Variants in MYO16 observed in about 807,000 individuals in gnomAD.
The protein encoded by MYO16 is myosin XVI.
In MYO16, 94 loss-of-function variants were observed where a neutral mutation model predicts 205.3. The observed-to-expected ratio is 0.46, with a 90% CI of 0.39 to 0.54. MYO16 has a LOEUF of 0.54. Among genes scored for constraint, MYO16 ranks in the 20% least tolerant of loss-of-function variants. The pLI is 0.00. For missense variants in MYO16, 2,315 were observed against 2,387.5 expected (o/e 0.97, Z 0.63); for synonymous variants, 988 against 954.0 (o/e 1.04, Z -0.66).
In MYO16 at chr13:109,007,539, CGTGTGTGTGTGTGTGTGTGTGT is replaced by C. The variant is rs71125360; in HGVS notation, c.2443-1331_2443-1310del. Among the ~76,000 whole-genome samples, 6 of 133,708 alleles carry C rather than the reference CGTGTGTGTGTGTGTGTGTGTGT, an allele frequency of 4.5e-5. No homozygotes were observed. In the South Asian group the frequency reaches 7.9e-4, roughly 18 times the overall value. The allele number at this position is 133,708 out of a possible 152,430, so 87.7% of individuals were successfully genotyped here. On this transcript the variant is annotated intron_variant, in intron 21 of 34. Coordinates refer to ENST00000457511, the MANE Select transcript of MYO16 (RefSeq NM_001198950.3). ...TTTGAGATAATAAGTAGAAATCAGC[CGTGTGTGTGTGTGTGTGTGTGT>C]GTGTGTGTGTGTGTGTGTGTGTGTG... is the stretch of plus-strand genomic sequence containing the variant.
At chr13:108,876,463 T>C (rs1467750633) in intron 12 of MYO16, among the ~76,000 whole-genome samples, 1 of 152,180 alleles carries the variant, frequency 6.6e-6, no homozygotes, top group African/African-American at 2.4e-5. Context: ...GATGACATAT[T>C]GTTCTATAAA....
At chr13:108,524,950 G>A in the MYO16 span, among the ~76,000 whole-genome samples, 404 of 152,178 alleles carry the variant, frequency 2.7e-3, 3 homozygotes, top group African/African-American at 9.1e-3. Context: ...TATTGTTTCT[G>A]ATTTCAAGTT....
intron 10 of MYO16, among the ~76,000 whole-genome samples, chr13:108,852,531 T>G (rs757178554): frequency 3.9e-5 from 6 of 152,174 alleles, no homozygotes; most frequent in Non-Finnish European, 8.8e-5. Context: ...TAAAAAAATG[T>G]TATTCAGCAG....
At chr13:108,966,092 G>C (rs1018721250) in intron 20 of MYO16, among the ~76,000 whole-genome samples, 1 of 152,092 alleles carries the variant, frequency 6.6e-6, no homozygotes, top group African/African-American at 2.4e-5. Flanking sequence ...AAATCCCACT[G>C]AACATTGATC....
At chr13:108,780,892 C>T (rs1886279956) in intron 4 of MYO16, among the ~76,000 whole-genome samples, 1 of 152,176 alleles carries the variant, frequency 6.6e-6, no homozygotes. Flanking sequence ...AACTTAGCAG[C>T]ACAGAAGAAT....
intron 2 of MYO16, among the ~76,000 whole-genome samples, chr13:108,699,542 G>T (rs1028630302): frequency 3.3e-5 from 5 of 152,066 alleles, no homozygotes; most frequent in African/African-American, 1.2e-4. Flanking sequence ...CATGCATCCT[G>T]GATTTACTAC....
At position 109,141,345 on chromosome 13, in the gene MYO16, C is replaced by A; in HGVS notation, c.5133C>A (p.Ser1711=). ...CGGGGAGGAGTGTGCTTCGGAAATCCGCGGCGGGAAGAAAAATCAGGGAAG... is the reference window on the plus strand; with the variant it reads ...CGGGGAGGAGTGTGCTTCGGAAATCAGCGGCGGGAAGAAAAATCAGGGAAG... ...FNSGRSVLRK[S]AAGRKIREAE... Residue 1711 remains serine, a synonymous_variant, in exon 32 of 35, where the codon TCC becomes TCA. Transcript: ENST00000457511. The surrounding 1 kb of genome is among the most constrained non-coding windows in gnomAD (Gnocchi z 4.1). 6.5e-7 allele frequency: 1 copy of A among 1,550,308 alleles called. No homozygotes were observed. Among genetic ancestry groups the A allele is most frequent in the South Asian group, 1.2e-5 (1 of 83,334 alleles).
At chr13:109,197,786 A>G (rs1041814469) in intron 34 of MYO16, among the ~76,000 whole-genome samples, 13 of 152,352 alleles carry the variant, frequency 8.5e-5, no homozygotes, top group Middle Eastern at 6.8e-3. Flanking sequence ...TTTCAGCTAT[A>G]AAACCAAGGC....
chr13:108,554,283 T>C, the MYO16 span, among the ~76,000 whole-genome samples: 2 of 152,214 alleles, frequency 1.3e-5, no homozygotes, highest in Non-Finnish European at 2.9e-5. Context: ...GGTCTTTTTC[T>C]TGTGCTTTTA....
At chr13:108,757,593 A>T (rs1322243169) in intron 4 of MYO16, among the ~76,000 whole-genome samples, 2 of 151,984 alleles carry the variant, frequency 1.3e-5, no homozygotes, top group Non-Finnish European at 2.9e-5. Context: ...CTCGTCATTT[A>T]ACATTAGGTA....
chr13:108,620,323 C>T (rs941619937), intron 1 of MYO16, among the ~76,000 whole-genome samples: 1 of 152,040 alleles, frequency 6.6e-6, no homozygotes, highest in Non-Finnish European at 1.5e-5. Flanking sequence ...TCTGGAAATG[C>T]TAAAGGGAAT....
chr13:109,109,407 T>G (rs1391624637), intron 28 of MYO16, among the ~76,000 whole-genome samples: 1 of 152,168 alleles, frequency 6.6e-6, no homozygotes, highest in South Asian at 2.1e-4. Context: ...TTAGGTTCAA[T>G]GCATGCTACT....
At chr13:108,811,558 A>AC (rs1594313144) in intron 7 of MYO16, among the ~76,000 whole-genome samples, 3 of 149,890 alleles carry the variant, frequency 2.0e-5, no homozygotes, top group Middle Eastern at 3.4e-3. Context: ...AAAAAAAAAA[A>AC]CCATCATCTT....
At chr13:108,913,932 C>A (rs1313054482) in intron 16 of MYO16, among the ~76,000 whole-genome samples, 4 of 152,200 alleles carry the variant, frequency 2.6e-5, no homozygotes, top group African/African-American at 9.6e-5. Flanking sequence ...TTCTATACCT[C>A]ACTGCCGATT....
intron 32 of MYO16, among the ~76,000 whole-genome samples, chr13:109,163,107 C>T (rs1226837481): frequency 2.0e-5 from 3 of 152,050 alleles, no homozygotes; most frequent in East Asian, 3.9e-4. Context: ...GATAGTTTTG[C>T]CTTTATTCCA....
intron 1 of MYO16, among the ~76,000 whole-genome samples, chr13:108,652,897 T>C (rs1881075472): frequency 6.6e-6 from 1 of 152,248 alleles, no homozygotes; most frequent in African/African-American, 2.4e-5. Flanking sequence ...ATTATTTTGA[T>C]GTATACCCAG....
intron 11 of MYO16, among the ~76,000 whole-genome samples, chr13:108,861,243 A>G (rs1014643046): frequency 2.0e-5 from 3 of 152,202 alleles, no homozygotes; most frequent in African/African-American, 7.2e-5. Flanking sequence ...ATTTACAGCT[A>G]TAGATTGGTT....
At chr13:108,918,745 C>A (rs1411775390) in intron 16 of MYO16, among the ~76,000 whole-genome samples, 3 of 152,156 alleles carry the variant, frequency 2.0e-5, no homozygotes. Flanking sequence ...TCGAGACCAA[C>A]CTGGCCAACA....
chr13:108,962,216 C>T (rs953321693), intron 18 of MYO16, among the ~76,000 whole-genome samples: 5 of 152,194 alleles, frequency 3.3e-5, no homozygotes, highest in African/African-American at 1.2e-4. Context: ...TGATTTAATG[C>T]ACAGAACTGT....
Sources: allele counts gnomAD v4.1 joint callset (sites outside exome capture counted in the v4.1 genomes callset), GRCh38; gene constraint gnomAD v4.1.1; non-coding constraint Gnocchi (gnomAD v3.1); transcripts MANE v1.5; gene names NCBI Gene and HGNC (gene_info 2026-07-23, HGNC 2026-07-21).